PHF8: variants seen among roughly 807,000 people sequenced by gnomAD.
PHF8 encodes PHD finger protein 8.
A neutral mutation model predicts 74.4 loss-of-function variants in PHF8; 9 were observed. That is an observed-to-expected ratio of 0.12 (90% CI 0.07 to 0.21). PHF8 has a LOEUF of 0.21. Ranked by LOEUF, PHF8 falls within the 10% of genes least tolerant of loss-of-function variation. PHF8 has a pLI of 1.00. For synonymous variants in PHF8, 311 were observed against 316.6 expected (o/e 0.98, Z 0.19); for missense variants, 478 against 816.6 (o/e 0.59, Z 5.05).
chrX:53,947,063 G>A (rs2064842653), intron 19 of PHF8, among the ~76,000 whole-genome samples: 1 of 111,789 alleles, frequency 8.9e-6, no homozygotes. Flanking sequence ...CAAGGCTAGA[G>A]TGCAGTGGGG....
chrX:53,987,664 G>A (rs920364899), intron 15 of PHF8, 102 bp downstream of exon 15: 6 of 714,546 alleles, frequency 8.4e-6, no homozygotes, highest in East Asian at 7.0e-5. Context: ...AGCCAAGATC[G>A]TGCCATTGCA....
intron 11 of PHF8, chrX:53,999,572 G>A: frequency 7.5e-6 from 2 of 265,770 alleles, no homozygotes; most frequent in Non-Finnish European, 1.3e-5. Context: ...AGACCAGAAG[G>A]AAATGTACAC....
At chrX:54,037,012 A>G (rs1452722844) in intron 2 of PHF8, among the ~76,000 whole-genome samples, 1 of 108,832 alleles carries the variant, frequency 9.2e-6, no homozygotes, top group Admixed American at 9.9e-5. Context: ...AAAAAAAAAA[A>G]AAAAAGAAAA....
chrX:54,044,863 C>G, upstream of PHF8: 1 of 1,152,731 alleles, frequency 8.7e-7, no homozygotes, highest in Non-Finnish European at 1.2e-6. Flanking sequence ...GGGGTAGAGG[C>G]GGAGTACTCA....
upstream of PHF8, among the ~76,000 whole-genome samples, chrX:54,048,276 A>G (rs782730478): frequency 2.0e-4 from 22 of 111,224 alleles, no homozygotes; most frequent in African/African-American, 6.9e-4. Flanking sequence ...TCCAAGCCTG[A>G]ATTAGAGACC....
Position 54,014,396 on chromosome X carries a change from A to G in PHF8, c.764T>C (p.Val255Ala). The G allele has an allele frequency of 8.3e-7, 1 of 1,208,635 alleles. No individual in the cohort carries two copies. Among genetic ancestry groups the G allele is most frequent in the Non-Finnish European group, 1.1e-6 (1 of 892,592 alleles). ...DFHIDFGGTS[V>A]WYHVLKGEKI... Reference sequence around the variant, plus strand: ...TCCTACCTTGAGTACATGGTACCAGACAGAGGTGCCACCAAAGTCAATGTG... The same window carrying G: ...TCCTACCTTGAGTACATGGTACCAGGCAGAGGTGCCACCAAAGTCAATGTG... Residue 255 changes from valine to alanine, a missense_variant, in exon 7 of 22, where the codon GTC becomes GCC. Val to Ala is a moderately conservative substitution (Grantham distance 64, BLOSUM62 0). Coordinates refer to ENST00000338154, the MANE Select transcript of PHF8 (RefSeq NM_015107.3).
chrX:54,019,856 A>G (rs1557109342), intron 4 of PHF8, among the ~76,000 whole-genome samples: 1 of 107,799 alleles, frequency 9.3e-6, no homozygotes, highest in Admixed American at 1.0e-4. Flanking sequence ...TTCACGATTT[A>G]TTTTATCAGA....
At chrX:53,955,097 T>C (rs2064993314) in intron 19 of PHF8, among the ~76,000 whole-genome samples, 2 of 111,925 alleles carry the variant, frequency 1.8e-5, no homozygotes, top group Admixed American at 1.9e-4. Flanking sequence ...ATTATGGTTA[T>C]TACTAATATA....
intron 8 of PHF8, among the ~76,000 whole-genome samples, chrX:54,010,181 C>T (rs1308524995): frequency 9.1e-6 from 1 of 109,824 alleles, no homozygotes; most frequent in Admixed American, 9.8e-5. Context: ...ATTAGCCGGG[C>T]GTGGTAGTGC....
chrX:53,987,385 T>C (rs2065582226), intron 15 of PHF8, among the ~76,000 whole-genome samples: 1 of 111,485 alleles, frequency 9.0e-6, no homozygotes, highest in Non-Finnish European at 1.9e-5. Flanking sequence ...CCTAAGGTCT[T>C]AAGTCTATCA....
chrX:54,037,000 T>TAAAAAAAAAA (rs56902207), intron 2 of PHF8, among the ~76,000 whole-genome samples: 6 of 63,057 alleles, frequency 9.5e-5, no homozygotes, highest in East Asian at 4.9e-4. Flanking sequence ...TCAGAAAAAA[T>TAAAAAAAAAA]AAAAAAAAAA....
chrX:54,038,591 G>A (rs1245765726), intron 2 of PHF8, among the ~76,000 whole-genome samples: 1 of 111,888 alleles, frequency 8.9e-6, no homozygotes, highest in Non-Finnish European at 1.9e-5. Flanking sequence ...AAATCAAAGT[G>A]TTTTTGCAAA....
intron 19 of PHF8, 110 bp from the exon 20 acceptor site, chrX:53,944,353 T>TAAAAAGCTAGAAGC: frequency 1.8e-6 from 1 of 552,523 alleles, no homozygotes; most frequent in Non-Finnish European, 3.0e-6. Context: ...TTCCTGCTTC[T>TAAAAAGCTAGAAGC]AGCTTTTTAT....
chrX:54,017,936 G>C, intron 4 of PHF8, 115 bp from the exon 5 acceptor site: 1 of 646,457 alleles, frequency 1.5e-6, no homozygotes, highest in Non-Finnish European at 2.5e-6. Context: ...AATGTGAGCT[G>C]GCAACTAATG....
upstream of PHF8, chrX:54,048,907 C>T (rs1318479578): frequency 2.7e-5 from 3 of 111,975 alleles, no homozygotes; most frequent in Non-Finnish European, 5.6e-5. Context: ...CTGCTTACCT[C>T]TCTAGAGGGA....
At chrX:53,981,811 T>C (rs1475082622) in intron 18 of PHF8, among the ~76,000 whole-genome samples, 1 of 112,005 alleles carries the variant, frequency 8.9e-6, no homozygotes, top group African/African-American at 3.2e-5. Flanking sequence ...TGCCTTATTG[T>C]TTTTAGTGCA....
intron 18 of PHF8, among the ~76,000 whole-genome samples, chrX:53,976,546 CT>C (rs781824520): frequency 1.8e-5 from 2 of 109,106 alleles, no homozygotes; most frequent in East Asian, 5.8e-4. Context: ...AATCTCAGCA[CT>C]TTGGGAGGTC....
At chrX:53,964,203 G>C (rs1162720430) in intron 18 of PHF8, among the ~76,000 whole-genome samples, 1 of 109,546 alleles carries the variant, frequency 9.1e-6, no homozygotes, top group East Asian at 2.9e-4. Flanking sequence ...TGAAAACAGG[G>C]AGGGAAACAT....
At chrX:54,011,066 G>T (rs1347548910) in intron 8 of PHF8, 56 bp downstream of exon 8, 4 of 1,049,503 alleles carry the variant, frequency 3.8e-6, no homozygotes, top group Non-Finnish European at 5.3e-6. Context: ...GGGGCCAAAA[G>T]CTCCCTTCTT....
Sources: gnomAD v4.1 joint callset for allele counts (sites outside exome capture counted in the v4.1 genomes callset) on GRCh38, gnomAD v4.1.1 for gene constraint, MANE v1.5 for transcripts, NCBI Gene and HGNC (gene_info 2026-07-23, HGNC 2026-07-21) for gene names.